Variants in SCP2 observed in about 807,000 individuals in gnomAD.
SCP2 encodes SCP-2/3-oxoacyl-CoA thiolase.
A neutral mutation model predicts 71.4 loss-of-function variants in SCP2; 48 were observed. The ratio of observed to expected loss-of-function variants is 0.67; its 90% confidence interval spans 0.53 to 0.86. The LOEUF (loss-of-function observed/expected upper bound fraction) is 0.86, where lower values mean the gene tolerates loss of function less well. Among genes scored for constraint, SCP2 ranks in the 40% least tolerant of loss-of-function variants. The pLI is 0.00. For missense variants in SCP2, 560 were observed against 655.6 expected (o/e 0.85, Z 1.59); for synonymous variants, 220 against 218.1 (o/e 1.01, Z -0.08).
intron 1 of SCP2, among the ~76,000 whole-genome samples, chr1:52,936,291 C>A (rs899191298): frequency 6.6e-6 from 1 of 152,106 alleles, no homozygotes; most frequent in South Asian, 2.1e-4. Flanking sequence ...CCTTCATAAT[C>A]GAAAGCTCTT....
chr1:53,028,550 AATG>A (rs1262023201), intron 13 of SCP2, among the ~76,000 whole-genome samples: 5 of 148,498 alleles, frequency 3.4e-5, no homozygotes, highest in Non-Finnish European at 5.9e-5. Context: ...TTGTTTTAAA[AATG>A]ATGTTAATTT....
chr1:52,980,423 G>A lies in SCP2; in HGVS notation c.853G>A (p.Ala285Thr). 1.2e-6 allele frequency: 2 copies of A among 1,614,116 alleles called. No homozygotes were observed. The highest frequency in any genetic ancestry group is 1.1e-5 in the South Asian group (1 of 91,076). The change falls in exon 10 of 16, where the codon GCA becomes ACA. Residue 285 changes from alanine (A) to threonine (T), a missense_variant. Around this residue, in one of 3 missense-constraint regions of SCP2, gnomAD observed 513 missense variants for 573.1 expected, o/e 0.90. Transcript: ENST00000371514. Reference sequence around the variant, plus strand: ...TGGCTTTGATATGAGTAAAGAAGCTGCAAGAAAATGCTATGAGAAATCTGG... The same window carrying A: ...TGGCTTTGATATGAGTAAAGAAGCTACAAGAAAATGCTATGAGAAATCTGG... Reference protein sequence around the residue: ...MVGFDMSKEAARKCYEKSGLT... With the variant: ...MVGFDMSKEATRKCYEKSGLT...
At chr1:53,037,976 C>CT (rs1663134898) in intron 13 of SCP2, among the ~76,000 whole-genome samples, 1 of 106,546 alleles carries the variant, frequency 9.4e-6, no homozygotes, top group African/African-American at 6.5e-5. Flanking sequence ...CACACACACA[C>CT]ACACACACAC....
At chr1:53,038,645 T>TC (rs1663193664) in intron 13 of SCP2, among the ~76,000 whole-genome samples, 1 of 151,978 alleles carries the variant, frequency 6.6e-6, no homozygotes, top group Non-Finnish European at 1.5e-5. Context: ...GCTCAAGTGA[T>TC]CCCCCCACCT....
At chr1:53,045,780 G>A (rs570077529) in intron 14 of SCP2, among the ~76,000 whole-genome samples, 3 of 152,228 alleles carry the variant, frequency 2.0e-5, no homozygotes, top group East Asian at 3.9e-4. Flanking sequence ...AATGCATACA[G>A]TTGTGTAACT....
chr1:52,984,840 CTTCTT>C (rs1242602249), intron 10 of SCP2, among the ~76,000 whole-genome samples: 3 of 121,584 alleles, frequency 2.5e-5, no homozygotes, highest in African/African-American at 6.5e-5. Flanking sequence ...CCCAGCTTTT[CTTCTT>C]TTTTTTTTTT....
chr1:53,026,206 A>C (rs11808021), intron 12 of SCP2, among the ~76,000 whole-genome samples: 9 of 152,216 alleles, frequency 5.9e-5, no homozygotes, highest in African/African-American at 2.2e-4. Context: ...AAATCAAATC[A>C]GTATACTTGG....
chr1:53,004,933 C>T (rs12566030), intron 11 of SCP2, among the ~76,000 whole-genome samples: 5,689 of 152,280 alleles, frequency 0.037, 212 homozygotes, highest in East Asian at 0.2. Flanking sequence ...CCTAATACTG[C>T]GCTTTTCCAA....
chr1:53,027,535 G>C (rs771638203), intron 12 of SCP2, among the ~76,000 whole-genome samples: 2 of 152,064 alleles, frequency 1.3e-5, no homozygotes, highest in African/African-American at 4.8e-5. Context: ...ACGGAGTTTC[G>C]CTCTTGTTGC....
chr1:53,022,201 G>A (rs748802530), intron 12 of SCP2, among the ~76,000 whole-genome samples: 3 of 152,180 alleles, frequency 2.0e-5, no homozygotes, highest in Non-Finnish European at 2.9e-5. Context: ...TGTTATGGAC[G>A]TTGTATGTAA....
intron 3 of SCP2, 25 bp from the exon 4 acceptor site, chr1:52,950,729 AT>A (rs1311066221): frequency 1.1e-5 from 18 of 1,602,392 alleles, no homozygotes; most frequent in Non-Finnish European, 1.5e-5. Context: ...AATTCTCCAT[AT>A]TAAAATTTTT....
At chr1:53,046,281 T>C (rs192521941) in intron 14 of SCP2, among the ~76,000 whole-genome samples, 10 of 152,290 alleles carry the variant, frequency 6.6e-5, no homozygotes, top group Non-Finnish European at 1.0e-4. Context: ...TTTCTGGTAT[T>C]ATGTTGACCT....
At chr1:52,935,958 A>G (rs1224742514) in intron 1 of SCP2, among the ~76,000 whole-genome samples, 1 of 152,120 alleles carries the variant, frequency 6.6e-6, no homozygotes, top group Non-Finnish European at 1.5e-5. Flanking sequence ...AAGAATATCC[A>G]CAATTCCAAT....
At chr1:52,934,668 A>G (rs1477259863) in intron 1 of SCP2, among the ~76,000 whole-genome samples, 3 of 111,788 alleles carry the variant, frequency 2.7e-5, no homozygotes, top group African/African-American at 6.8e-5. Flanking sequence ...GCTGGAGTGC[A>G]GTGGTGCGAT....
At chr1:53,029,981 C>T (rs1273504246) in intron 13 of SCP2, among the ~76,000 whole-genome samples, 2 of 152,096 alleles carry the variant, frequency 1.3e-5, no homozygotes, top group East Asian at 1.9e-4. Context: ...CTCCACCTCC[C>T]GGGTTCAAGC....
chr1:53,013,986 C>T (rs1249071109), intron 11 of SCP2, among the ~76,000 whole-genome samples: 4 of 147,730 alleles, frequency 2.7e-5, no homozygotes, highest in Non-Finnish European at 6.0e-5. Flanking sequence ...AGCTCTGCCT[C>T]CCGGGTTCAC....
chr1:53,014,783 C>A, intron 11 of SCP2, 107 bp from the exon 12 acceptor site: 1 of 1,244,824 alleles, frequency 8.0e-7, no homozygotes, highest in Non-Finnish European at 1.1e-6. Flanking sequence ...TTTACACAAA[C>A]GTGGCCTCGG....
At chr1:52,960,612 A>ATGTATATATGTATGTATATATG (rs1463230902) in intron 5 of SCP2, among the ~76,000 whole-genome samples, 4 of 147,878 alleles carry the variant, frequency 2.7e-5, no homozygotes, top group East Asian at 2.0e-4. Context: ...GTATGTATAT[A>ATGTATATATGTATGTATATATG]TGTATATATG....
intron 3 of SCP2, 49 bp from the exon 4 acceptor site, chr1:52,950,706 A>G: frequency 1.3e-6 from 2 of 1,522,610 alleles, no homozygotes; most frequent in Non-Finnish European, 1.8e-6. Flanking sequence ...ATTATGTTGC[A>G]TTGCAACTCC....
Sources: gnomAD v4.1 joint callset for allele counts (sites outside exome capture counted in the v4.1 genomes callset) on GRCh38, gnomAD v4.1.1 for gene constraint, gnomAD v4.1.1 regional missense constraint, MANE v1.5 for transcripts, NCBI Gene and HGNC (gene_info 2026-07-23, HGNC 2026-07-21) for gene names.